The following IGF2BP3 variants were observed in gnomAD, a reference collection of about 807,000 sequenced individuals.
IGF2BP3 encodes the protein insulin-like growth factor 2 mRNA-binding protein 3.
In IGF2BP3, 9 loss-of-function variants were observed where a neutral mutation model predicts 73.8. That is an observed-to-expected ratio of 0.12 (90% CI 0.07 to 0.21). IGF2BP3 has a LOEUF of 0.21. Among genes scored for constraint, IGF2BP3 ranks in the 10% least tolerant of loss-of-function variants. The pLI is 1.00. For synonymous variants in IGF2BP3, 258 were observed against 256.7 expected (o/e 1.01, Z -0.05); for missense variants, 542 against 714.0 (o/e 0.76, Z 2.75).
chr7:23,423,090 G>C lies in IGF2BP3; in HGVS notation c.237-4266C>G, dbSNP rs528536675. 3.3e-5 allele frequency among the ~76,000 whole-genome samples: 5 copies of C among 152,338 alleles called. No individual in the cohort carries two copies. In the South Asian group the frequency reaches 8.3e-4, roughly 25 times the overall value. On this transcript the variant is annotated intron_variant, in intron 2 of 14. Coordinates refer to ENST00000258729, the MANE Select transcript of IGF2BP3 (RefSeq NM_006547.3). ...GCGCCCAGCCCTGCAGTTAGCGTTT[G>C]ATATCTAGAATTGTTCTTTCCCATT... is the stretch of plus-strand genomic sequence containing the variant.
chr7:23,413,538 T>G (rs531403603), intron 3 of IGF2BP3: 4 of 152,292 alleles, frequency 2.6e-5, no homozygotes, highest in Admixed American at 2.0e-4. Context: ...TGGAGCCCAC[T>G]TGAGAAATTG....
chr7:23,351,280 C>T, intron 6 of IGF2BP3, 25 bp downstream of exon 6: 1 of 1,610,908 alleles, frequency 6.2e-7, no homozygotes, highest in Non-Finnish European at 8.5e-7. Flanking sequence ...CTCATGAACA[C>T]CCACCACACA....
At chr7:23,442,060 G>C (rs1230683515) in intron 2 of IGF2BP3, among the ~76,000 whole-genome samples, 1 of 152,254 alleles carries the variant, frequency 6.6e-6, no homozygotes, top group Non-Finnish European at 1.5e-5. Flanking sequence ...CTGGGAGGCA[G>C]AGGCTGCAGT....
intron 5 of IGF2BP3, among the ~76,000 whole-genome samples, chr7:23,358,247 CTT>C (rs1330812602): frequency 1.3e-5 from 2 of 152,194 alleles, no homozygotes; most frequent in Non-Finnish European, 2.9e-5. Flanking sequence ...GAATTGAACT[CTT>C]AACCTCCAAG....
At chr7:23,425,719 TC>T (rs1787488886) in intron 2 of IGF2BP3, among the ~76,000 whole-genome samples, 1 of 152,150 alleles carries the variant, frequency 6.6e-6, no homozygotes, top group Admixed American at 6.6e-5. Flanking sequence ...TGCATGCTTC[TC>T]CCCCAACCCT....
intron 11 of IGF2BP3, among the ~76,000 whole-genome samples, chr7:23,318,654 T>C (rs1461074025): frequency 6.6e-6 from 1 of 152,252 alleles, no homozygotes; most frequent in Admixed American, 6.5e-5. Flanking sequence ...TTTAGCTGAC[T>C]GTGCATAGCC....
intron 3 of IGF2BP3, among the ~76,000 whole-genome samples, chr7:23,366,431 C>A (rs973576064): frequency 6.6e-6 from 1 of 151,952 alleles, no homozygotes; most frequent in Non-Finnish European, 1.5e-5. Flanking sequence ...AGCCACCACA[C>A]CTGGCCATGT....
At chr7:23,464,361 TG>T (rs1246894501) in intron 2 of IGF2BP3, among the ~76,000 whole-genome samples, 1 of 152,262 alleles carries the variant, frequency 6.6e-6, no homozygotes, top group African/African-American at 2.4e-5. Flanking sequence ...ACTTTTACTG[TG>T]GTAAATACAC....
At chr7:23,460,036 C>T (rs60948275) in intron 2 of IGF2BP3, among the ~76,000 whole-genome samples, 3 of 151,154 alleles carry the variant, frequency 2.0e-5, no homozygotes, top group African/African-American at 7.3e-5. Context: ...CAAGACTAAC[C>T]TAAGTAACAC....
At chr7:23,387,194 A>C (rs1246832683) in intron 3 of IGF2BP3, among the ~76,000 whole-genome samples, 1 of 152,196 alleles carries the variant, frequency 6.6e-6, no homozygotes, top group Non-Finnish European at 1.5e-5. Flanking sequence ...ATGACATTTT[A>C]TCTGAAGTCT....
At chr7:23,468,999 G>T (rs1021867215) in intron 1 of IGF2BP3, among the ~76,000 whole-genome samples, 2 of 152,246 alleles carry the variant, frequency 1.3e-5, no homozygotes, top group African/African-American at 4.8e-5. Flanking sequence ...GAGGAAGACA[G>T]GGAGTGGCGA....
At chr7:23,431,780 C>G (rs1007885409) in intron 2 of IGF2BP3, among the ~76,000 whole-genome samples, 1 of 152,152 alleles carries the variant, frequency 6.6e-6, no homozygotes, top group Non-Finnish European at 1.5e-5. Context: ...AGACTTAAAT[C>G]GTAATTTCTG....
intron 2 of IGF2BP3, among the ~76,000 whole-genome samples, chr7:23,428,725 A>AG (rs373340226): frequency 0.024 from 3,480 of 144,860 alleles, 70 homozygotes; most frequent in South Asian, 0.046. Flanking sequence ...TCTTTTTTTT[A>AG]GGGGGAAAAA....
chr7:23,384,779 T>A (rs1786029949), intron 3 of IGF2BP3, among the ~76,000 whole-genome samples: 1 of 152,160 alleles, frequency 6.6e-6, no homozygotes. Context: ...TGGTTCCACC[T>A]ACTCAGGAGG....
At chr7:23,397,586 T>C (rs1692729288) in intron 3 of IGF2BP3, among the ~76,000 whole-genome samples, 2 of 152,246 alleles carry the variant, frequency 1.3e-5, no homozygotes, top group Admixed American at 1.3e-4. Context: ...CCTCCTTCTA[T>C]CTTGTCATCT....
intron 2 of IGF2BP3, among the ~76,000 whole-genome samples, chr7:23,442,135 T>C (rs902548004): frequency 6.6e-6 from 1 of 152,140 alleles, no homozygotes; most frequent in Non-Finnish European, 1.5e-5. Context: ...CTCAAGAAAA[T>C]TTTTTTAAAA....
At chr7:23,405,129 TCAC>T (rs1786786812) in intron 3 of IGF2BP3, 1 of 152,134 alleles carries the variant, frequency 6.6e-6, no homozygotes, top group Admixed American at 6.5e-5. Context: ...AAAAAGCAAA[TCAC>T]TTATGAGTAG....
At position 23,396,903 on chromosome 7, in the gene IGF2BP3, G is replaced by A. The variant is rs118140024; in HGVS notation, c.285+21873C>T. ...GGCGAGGCACTTGTCTTATTCGCTG[G>A]TTCTCACATTGACCCTGAAAGGACT... On this transcript the variant is annotated intron_variant, in intron 3 of 14. Transcript: ENST00000258729. 2.1e-3 allele frequency among the ~76,000 whole-genome samples: 325 copies of A among 152,242 alleles called. 1 individual carries two copies. The highest frequency in any genetic ancestry group is 0.015 in the East Asian group (77 of 5,184).
At chr7:23,411,179 A>T (rs274034) in intron 3 of IGF2BP3, among the ~76,000 whole-genome samples, 114,271 of 152,186 alleles carry the variant, frequency 0.75, 44,079 homozygotes, top group African/African-American at 0.94. Context: ...TCCCATTACT[A>T]CTTCTCGCTC....
Sources: allele counts gnomAD v4.1 joint callset (sites outside exome capture counted in the v4.1 genomes callset), GRCh38; gene constraint gnomAD v4.1.1; transcripts MANE v1.5; gene names NCBI Gene and HGNC (gene_info 2026-07-23, HGNC 2026-07-21).